Variants in PIGU observed in about 807,000 individuals in gnomAD.
PIGU encodes GPI-anchor transamidase component PIGU.
Under a neutral mutation model 49.9 loss-of-function variants are expected in PIGU, and 24 were observed. The ratio of observed to expected loss-of-function variants is 0.48; its 90% CI spans 0.35 to 0.68. The LOEUF is 0.68. PIGU is among the 30% of genes least tolerant of loss of function. The pLI is 0.01. For synonymous variants in PIGU, 220 were observed against 205.7 expected, an observed-to-expected ratio of 1.07 and a Z score of -0.59; for missense variants, 490 against 532.6, an observed-to-expected ratio of 0.92 and a Z score of 0.79.
At chr20:34,674,344 A>G (rs1987421645) in intron 1 of PIGU, among the ~76,000 whole-genome samples, 1 of 152,052 alleles carries the variant, frequency 6.6e-6, no homozygotes, top group African/African-American at 2.4e-5. Flanking sequence ...AACAAGAGCA[A>G]AATTCTGTCT....
chr20:34,569,119 T>C (rs1185217660), intron 11 of PIGU, among the ~76,000 whole-genome samples: 1 of 151,858 alleles, frequency 6.6e-6, no homozygotes, highest in Non-Finnish European at 1.5e-5. Context: ...TGGGAGGACC[T>C]CTTGAGCCTA....
intron 1 of PIGU, 59 bp from the exon 2 acceptor site, chr20:34,657,303 T>C (rs1162120334): frequency 3.1e-6 from 4 of 1,290,496 alleles, no homozygotes; most frequent in Non-Finnish European, 4.5e-6. Context: ...GACCAAATTG[T>C]TAGATACCCC....
chr20:34,644,488 C>A (rs1412367128), intron 3 of PIGU, among the ~76,000 whole-genome samples: 1 of 152,152 alleles, frequency 6.6e-6, no homozygotes, highest in South Asian at 2.1e-4. Flanking sequence ...TTGCAAGATA[C>A]TTATGTTTTT....
intron 6 of PIGU, among the ~76,000 whole-genome samples, chr20:34,629,826 A>G (rs991635089): frequency 5.9e-5 from 9 of 152,222 alleles, no homozygotes; most frequent in Non-Finnish European, 1.0e-4. Context: ...CTCCCTCCAA[A>G]AATCTCATTA....
chr20:34,565,900 C>G (rs930070024), intron 11 of PIGU, among the ~76,000 whole-genome samples: 1 of 149,712 alleles, frequency 6.7e-6, no homozygotes, highest in African/African-American at 2.5e-5. Context: ...GACACACATG[C>G]TTGCACACAC....
chr20:34,570,675 G>A (rs1982971015), intron 11 of PIGU, among the ~76,000 whole-genome samples: 1 of 152,144 alleles, frequency 6.6e-6, no homozygotes, highest in African/African-American at 2.4e-5. Context: ...GGAATTACAG[G>A]TGTGAGCCAC....
At chr20:34,661,918 ATGAGATAGTATCTCATTGTGGTTT>A (rs953028070) in intron 1 of PIGU, among the ~76,000 whole-genome samples, 16 of 152,210 alleles carry the variant, frequency 1.1e-4, no homozygotes, top group East Asian at 3.9e-4. Context: ...TCTGACTGGT[ATGAGATAGTATCTCATTGTGGTTT>A]TGAGATAGTA....
intron 11 of PIGU, among the ~76,000 whole-genome samples, chr20:34,566,147 C>A (rs1191745543): frequency 6.6e-6 from 1 of 152,202 alleles, no homozygotes; most frequent in African/African-American, 2.4e-5. Context: ...CTCCCCCTGC[C>A]CTGCCCAGCA....
intron 1 of PIGU, among the ~76,000 whole-genome samples, chr20:34,662,197 C>T (rs1986948751): frequency 6.6e-6 from 1 of 152,034 alleles, no homozygotes; most frequent in South Asian, 2.1e-4. Flanking sequence ...CTCAGCCTCT[C>T]GAGCAGTTGG....
At chr20:34,661,201 C>T (rs567600236) in intron 1 of PIGU, among the ~76,000 whole-genome samples, 2 of 152,122 alleles carry the variant, frequency 1.3e-5, no homozygotes, top group African/African-American at 2.4e-5. Context: ...TTGGCTTTTA[C>T]TTATTTTCCT....
intron 7 of PIGU, among the ~76,000 whole-genome samples, chr20:34,597,244 T>G (rs968094294): frequency 3.3e-5 from 5 of 152,182 alleles, no homozygotes; most frequent in Admixed American, 1.3e-4. Flanking sequence ...GGCCCAAGTT[T>G]CTACCAATAG....
At chr20:34,581,721 C>T (rs1361350063) in intron 9 of PIGU, 49 bp from the exon 10 acceptor site, 1 of 1,597,358 alleles carries the variant, frequency 6.3e-7, no homozygotes. Context: ...AGGGACCAGG[C>T]CTACCCTAGA....
intron 7 of PIGU, among the ~76,000 whole-genome samples, chr20:34,589,857 T>C (rs1983883404): frequency 6.6e-6 from 1 of 151,776 alleles, no homozygotes; most frequent in Admixed American, 6.6e-5. Context: ...GGTTTCACCA[T>C]GTTGGCCAGG....
chr20:34,585,935 T>C (rs1983683648), intron 8 of PIGU, among the ~76,000 whole-genome samples: 1 of 152,152 alleles, frequency 6.6e-6, no homozygotes, highest in African/African-American at 2.4e-5. Flanking sequence ...ACACAGGATC[T>C]ATTTTGGGCA....
chr20:34,594,919 C>A (rs996929353), intron 7 of PIGU, among the ~76,000 whole-genome samples: 1 of 151,468 alleles, frequency 6.6e-6, no homozygotes, highest in Non-Finnish European at 1.5e-5. Context: ...GGTGAAACCC[C>A]GTCTCTACTA....
In PIGU at chr20:34,616,044, G is replaced by C; in HGVS notation, c.625C>G (p.Gln209Glu). Residue 209 changes from glutamine to glutamate, a missense_variant and splice_region_variant, in exon 7 of 12, where the codon CAG (glutamine) becomes GAG (glutamate). By Grantham distance (29) the Gln-to-Glu change is conservative (BLOSUM62 2). Transcript: ENST00000217446. ...GCTTCTGACCAGCAAGTGCTTACCT[G>C]GAGGAGATAGAGGAGTCCTGGGACA... ...LFVPGLLYLL[Q>E]RQYIPVKMKS... 2 of 1,608,744 alleles carry C rather than the reference G, an allele frequency of 1.2e-6. No homozygotes were observed. Among genetic ancestry groups the C allele is most frequent in the Non-Finnish European group, 1.7e-6 (2 of 1,178,024 alleles).
intron 6 of PIGU, among the ~76,000 whole-genome samples, chr20:34,617,858 A>G (rs1405146953): frequency 6.6e-6 from 1 of 152,198 alleles, no homozygotes; most frequent in East Asian, 1.9e-4. Context: ...AAGGTAATTG[A>G]ATCATGGGAG....
In PIGU at chr20:34,560,706, C is replaced by G. The variant is rs1982449352; in HGVS notation, c.*160G>C. 3.9e-6 allele frequency: 2 copies of G among 515,254 alleles called. No individual in the cohort carries two copies. Among genetic ancestry groups the G allele is most frequent in the Non-Finnish European group, 6.7e-6 (2 of 298,338 alleles). The allele number at this position is 515,254 out of a possible 1,614,324, so 31.9% of individuals were successfully genotyped here. On this transcript the variant is annotated 3_prime_UTR_variant, in exon 12 of 12. Transcript: ENST00000217446. Reference sequence around the variant, plus strand: ...AGTTCTTCCCCATAGGCCTTGCTGTCAGTCAGCCATGGGTCCCTTTTGGTA... The same window carrying G: ...AGTTCTTCCCCATAGGCCTTGCTGTGAGTCAGCCATGGGTCCCTTTTGGTA...
At chr20:34,634,768 G>T (rs1010617981) in intron 5 of PIGU, 53 bp from the exon 6 acceptor site, 2 of 1,587,750 alleles carry the variant, frequency 1.3e-6, no homozygotes, top group East Asian at 2.3e-5. Flanking sequence ...AGGAGCCCTC[G>T]CCATTACAGC....
Sources: allele counts gnomAD v4.1 joint callset (sites outside exome capture counted in the v4.1 genomes callset), GRCh38; gene constraint gnomAD v4.1.1; transcripts MANE v1.5; gene names NCBI Gene and HGNC (gene_info 2026-07-23, HGNC 2026-07-21).